Variants in AIM2 observed in about 807,000 individuals in gnomAD.
AIM2 encodes the protein absent in melanoma 2.
A neutral mutation model predicts 27.7 loss-of-function variants in AIM2; 30 were observed. The ratio of observed to expected loss-of-function variants is 1.08; its 90% confidence interval spans 0.81 to 1.47. AIM2 has a LOEUF of 1.47. Ranked by LOEUF, AIM2 falls within the 40% of genes most tolerant of loss-of-function variation. The pLI, the probability that AIM2 is intolerant of heterozygous loss-of-function variation, is 0.00. For missense variants in AIM2, 358 were observed against 411.3 expected, an observed-to-expected ratio of 0.87 and a Z score of 1.12; for synonymous variants, 141 against 145.3, an observed-to-expected ratio of 0.97 and a Z score of 0.21.
chr1:159,066,437 G>A, intron 3 of AIM2, 108 bp from the exon 4 acceptor site: 1 of 1,130,554 alleles, frequency 8.8e-7, no homozygotes, highest in Non-Finnish European at 1.2e-6. Context: ...GAAGATAGGT[G>A]GAATCAAGGG....
At chr1:159,123,646 A>G (rs1215718815) in intron 1 of AIM2, 3 of 152,222 alleles carry the variant, frequency 2.0e-5, no homozygotes, top group Non-Finnish European at 4.4e-5. Flanking sequence ...TTGCTTCACA[A>G]TCCATAGAAA....
In AIM2 at chr1:159,073,099, G is replaced by A. The variant is rs538393658; in HGVS notation, c.262+139C>T. 4.6e-5 allele frequency: 47 copies of A among 1,028,636 alleles called. No individual in the cohort carries two copies. The South Asian group carries it at 7.5e-4, about 16-fold the overall frequency. 63.7% of individuals were successfully genotyped at this position (1,028,636 alleles called of 1,614,324 possible). On this transcript the variant is annotated intron_variant, in intron 2 of 5. Transcript: ENST00000368130. Reference sequence around the variant, plus strand: ...CTAGAAGCGATTCTCAGTAAAAGGGGGCAAAGAGACAGGTGCACTAAGTTA... The same window carrying A: ...CTAGAAGCGATTCTCAGTAAAAGGGAGCAAAGAGACAGGTGCACTAAGTTA...
At chr1:159,134,722 C>CA (rs1647981854) in intron 1 of AIM2, among the ~76,000 whole-genome samples, 1 of 152,188 alleles carries the variant, frequency 6.6e-6, no homozygotes, top group African/African-American at 2.4e-5. Flanking sequence ...ATCCCAGTTA[C>CA]TCGGGAGGCT....
intron 1 of AIM2, among the ~76,000 whole-genome samples, chr1:159,092,376 C>T (rs1364687919): frequency 2.0e-5 from 3 of 152,166 alleles, no homozygotes; most frequent in Non-Finnish European, 2.9e-5. Context: ...TTAGCCCTAA[C>T]TATGAATAAG....
intron 4 of AIM2, among the ~76,000 whole-genome samples, chr1:159,065,039 T>A (rs1396120188): frequency 6.6e-6 from 1 of 152,158 alleles, no homozygotes; most frequent in Non-Finnish European, 1.5e-5. Context: ...CATTTTACAC[T>A]TGAGTTTTCC....
chr1:159,135,894 TTTG>T (rs1359906417), intron 1 of AIM2, among the ~76,000 whole-genome samples: 9 of 152,150 alleles, frequency 5.9e-5, no homozygotes, highest in African/African-American at 2.2e-4. Context: ...TCCCCAGGCA[TTTG>T]TTTTTAGTCT....
At chr1:159,056,912 A>AG in the AIM2 span, among the ~76,000 whole-genome samples, 1 of 151,948 alleles carries the variant, frequency 6.6e-6, no homozygotes, top group East Asian at 1.9e-4. Flanking sequence ...GAGAGAACTG[A>AG]GGGGGGAGAA....
At chr1:159,081,594 G>A (rs762511254), upstream of AIM2, 40 of 427,740 alleles carry the variant, frequency 9.4e-5, no homozygotes, top group Non-Finnish European at 1.6e-4. Context: ...GTCACCATTC[G>A]TCTTTCTTCC....
chr1:159,120,277 A>G (rs1647497968), intron 1 of AIM2, among the ~76,000 whole-genome samples: 1 of 152,210 alleles, frequency 6.6e-6, no homozygotes. Flanking sequence ...AAAGACGTAT[A>G]GTAAAAGGTC....
chr1:159,112,378 A>G (rs1360973524), intron 1 of AIM2, among the ~76,000 whole-genome samples: 3 of 152,242 alleles, frequency 2.0e-5, no homozygotes, highest in African/African-American at 7.2e-5. Context: ...CCAAAGCAAT[A>G]TAACAATTCT....
intron 2 of AIM2, among the ~76,000 whole-genome samples, chr1:159,068,923 G>A (rs1421287929): frequency 6.6e-6 from 1 of 152,176 alleles, no homozygotes; most frequent in African/African-American, 2.4e-5. Context: ...AGGATCACTT[G>A]AGGCCAGGGG....
Position 159,063,677 on chromosome 1 carries a change from A to G in AIM2, c.817-3T>C. The G allele has an allele frequency of 5.0e-6, 8 of 1,610,874 alleles. No individual in the cohort carries two copies. The highest frequency in any genetic ancestry group is 6.8e-6 in the Non-Finnish European group (8 of 1,178,818). ...ATGTTTTTCTTCTTTTCTGTTACCT[A>G]TAAAAGAAAATCAACACCCAGCCTC... is the stretch of plus-strand genomic sequence containing the variant. On this transcript the variant is annotated splice_polypyrimidine_tract_variant and splice_region_variant and intron_variant, in intron 4 of 5. Transcript: ENST00000368130.
chr1:159,090,269 G>GA (rs1657015811), intron 1 of AIM2, among the ~76,000 whole-genome samples: 2 of 152,160 alleles, frequency 1.3e-5, no homozygotes, highest in Admixed American at 6.5e-5. Context: ...CCCAACATAA[G>GA]ACAACATTCA....
the AIM2 span, among the ~76,000 whole-genome samples, chr1:159,056,206 G>A: frequency 6.6e-6 from 1 of 152,200 alleles, no homozygotes; most frequent in African/African-American, 2.4e-5. Context: ...CAGACTCCCT[G>A]CTTGTGGGCT....
chr1:159,084,601 A>C (rs1656857866), intron 1 of AIM2, among the ~76,000 whole-genome samples: 1 of 152,044 alleles, frequency 6.6e-6, no homozygotes, highest in Admixed American at 6.5e-5. Flanking sequence ...CGGCGACCTT[A>C]TCTCTCCAAA....
rs536768418 is a variant in AIM2, at chr1:159,063,363, C to G, written c.1005+123G>C. 4 of 883,720 alleles carry G rather than the reference C, an allele frequency of 4.5e-6. No homozygotes were observed. The East Asian group carries it at 1.0e-4, about 23-fold the overall frequency. 54.7% of individuals were successfully genotyped at this position (883,720 alleles called of 1,614,324 possible). On this transcript the variant is annotated intron_variant, in intron 5 of 5. Coordinates refer to ENST00000368130, the MANE Select transcript of AIM2 (RefSeq NM_004833.3). ...AGGTTCCTCAGTTCTGTGAGATGAA[C>G]GTGTACTAAATATCAATGTCTTCCA...
intron 1 of AIM2, among the ~76,000 whole-genome samples, chr1:159,108,207 G>A (rs1657492749): frequency 6.7e-6 from 1 of 149,360 alleles, no homozygotes; most frequent in Non-Finnish European, 1.5e-5. Flanking sequence ...AGTACACCAC[G>A]TTCAAGTGGG....
At chr1:159,078,851 T>G (rs1227895663), upstream of AIM2, among the ~76,000 whole-genome samples, 1 of 152,150 alleles carries the variant, frequency 6.6e-6, no homozygotes, top group Non-Finnish European at 1.5e-5. Flanking sequence ...GACTGGAGGC[T>G]CCTACTGTAG....
At chr1:159,056,275 C>A in the AIM2 span, among the ~76,000 whole-genome samples, 5 of 152,112 alleles carry the variant, frequency 3.3e-5, no homozygotes, top group Non-Finnish European at 5.9e-5. Flanking sequence ...CTGGGCTCTT[C>A]CCCACTGGAA....
Sources: allele counts gnomAD v4.1 joint callset (sites outside exome capture counted in the v4.1 genomes callset), GRCh38; gene constraint gnomAD v4.1.1; transcripts MANE v1.5; gene names NCBI Gene and HGNC (gene_info 2026-07-23, HGNC 2026-07-21).